FBRSL1: variants seen among roughly 807,000 people sequenced by gnomAD.
FBRSL1 encodes fibrosin like 1.
In FBRSL1, 51 loss-of-function variants were observed where a neutral mutation model predicts 89.6. The observed-to-expected ratio is 0.57, with a 90% CI of 0.45 to 0.72. The LOEUF (loss-of-function observed/expected upper bound fraction) is 0.72. FBRSL1 is among the 30% of genes least tolerant of loss of function. The pLI is 0.00. For synonymous variants in FBRSL1, 779 were observed against 681.1 expected (o/e 1.14, Z -2.24); for missense variants, 1,618 against 1,451.8 (o/e 1.11, Z -1.86).
In FBRSL1 at chr12:132,583,482, G is replaced by A; in HGVS notation, c.2713G>A (p.Ala905Thr). ...GCGCCTGCGCGGGGAGCTGGAGCGC[G>A]CGCGGGCCCCGCACCTGCCGCCCGC... is the stretch of plus-strand genomic sequence containing the variant. ...PERLRGELER[A>T]RAPHLPPAAP... Residue 905 changes from alanine to threonine, a missense_variant, in exon 19 of 19, where the codon GCG becomes ACG. Ala to Thr is a moderately conservative substitution (Grantham distance 58, BLOSUM62 0). Coordinates refer to ENST00000680143, the MANE Select transcript of FBRSL1 (RefSeq NM_001367871.1). The A allele has an allele frequency of 9.5e-7, 1 of 1,051,290 alleles. No individual in the cohort carries two copies. 65.1% of individuals were successfully genotyped at this position (1,051,290 alleles called of 1,614,324 possible). A position where few individuals can be genotyped will look rare whatever the true frequency, so the allele number is the denominator to read the frequency against.
chr12:132,582,642 C>T (rs1412598079), intron 18 of FBRSL1, among the ~76,000 whole-genome samples: 1 of 152,040 alleles, frequency 6.6e-6, no homozygotes, highest in Non-Finnish European at 1.5e-5. Context: ...CAGGTGGCCG[C>T]GCCCTGACCC....
intron 1 of FBRSL1, 49 bp downstream of exon 1, chr12:132,490,910 C>G (rs1196730122): frequency 5.7e-6 from 7 of 1,227,792 alleles, no homozygotes; most frequent in Non-Finnish European, 3.1e-6. Context: ...GAACGGGGCC[C>G]GGAGTTGACG....
chr12:132,536,302 GGT>G (rs1334362971), intron 4 of FBRSL1, among the ~76,000 whole-genome samples: 2 of 146,250 alleles, frequency 1.4e-5, no homozygotes, highest in Admixed American at 6.8e-5. Flanking sequence ...TACATGACGG[GGT>G]GTGTGAGTGC....
intron 2 of FBRSL1, among the ~76,000 whole-genome samples, chr12:132,519,662 G>A (rs1406134296): frequency 6.6e-6 from 1 of 152,228 alleles, no homozygotes; most frequent in African/African-American, 2.4e-5. Context: ...TGTAATCCCA[G>A]CACTTTGGGA....
intron 5 of FBRSL1, chr12:132,551,793 C>T: frequency 2.9e-6 from 1 of 350,814 alleles, no homozygotes; most frequent in South Asian, 2.1e-5. Context: ...CCAGATGGCC[C>T]CTTCGCAAGT....
intron 5 of FBRSL1, chr12:132,552,951 C>G (rs2038316859): frequency 6.5e-6 from 1 of 154,180 alleles, no homozygotes; most frequent in East Asian, 1.9e-4. Context: ...GCGGGCCGCG[C>G]CTTTGTTCTG....
chr12:132,508,475 T>C, intron 2 of FBRSL1, 125 bp downstream of exon 2: 1 of 1,183,204 alleles, frequency 8.5e-7, no homozygotes, highest in Non-Finnish European at 1.1e-6. Context: ...CGCCCATCGT[T>C]GTCAGGCTTG....
intron 3 of FBRSL1, among the ~76,000 whole-genome samples, chr12:132,527,308 G>A (rs1013202386): frequency 1.3e-5 from 2 of 152,230 alleles, no homozygotes; most frequent in Admixed American, 6.5e-5. Context: ...CCTCTGAGGA[G>A]CATTTCTGGT....
chr12:132,531,222 A>G (rs1272615490), intron 4 of FBRSL1, among the ~76,000 whole-genome samples: 1 of 139,274 alleles, frequency 7.2e-6, no homozygotes, highest in Non-Finnish European at 1.5e-5. Flanking sequence ...CAGGAGCAGG[A>G]CAGGACCCAG....
intron 8 of FBRSL1, 149 bp from the exon 9 acceptor site, chr12:132,570,919 C>T (rs1185762192): frequency 2.1e-5 from 8 of 382,772 alleles, no homozygotes; most frequent in South Asian, 2.1e-4. Context: ...CTTCCTCCCT[C>T]GGCCCCCAGG....
chr12:132,508,011 A>C, intron 1 of FBRSL1, 142 bp from the exon 2 acceptor site: 1 of 800,558 alleles, frequency 1.2e-6, no homozygotes, highest in Non-Finnish European at 1.9e-6. Flanking sequence ...CCCCCGTCCC[A>C]CAGCAGCCAT....
intron 2 of FBRSL1, among the ~76,000 whole-genome samples, chr12:132,517,398 CT>C (rs1208346637): frequency 6.6e-6 from 1 of 152,234 alleles, no homozygotes; most frequent in African/African-American, 2.4e-5. Flanking sequence ...GCCACCTCTG[CT>C]TTCCCAGCCT....
chr12:132,583,211 C>A lies in FBRSL1; in HGVS notation c.2442C>A (p.Val814=). Residue 814 remains valine, a synonymous_variant, in exon 19 of 19, where the codon GTC becomes GTA. Coordinates refer to ENST00000680143, the MANE Select transcript of FBRSL1 (RefSeq NM_001367871.1). ...HSKAAPGDVK[V]KEERGEDEAS... ...AGGCGGCCCCTGGAGACGTGAAGGTCAAGGAGGAGCGCGGGGAGGACGAGG... is the reference window on the plus strand; with the variant it reads ...AGGCGGCCCCTGGAGACGTGAAGGTAAAGGAGGAGCGCGGGGAGGACGAGG... 1 of 1,434,324 alleles carries A rather than the reference C, an allele frequency of 7.0e-7. No homozygotes were observed. Among genetic ancestry groups the A allele is most frequent in the Non-Finnish European group, 9.1e-7 (1 of 1,095,856 alleles). The allele number at this position is 1,434,324 out of a possible 1,614,324, so 88.8% of individuals were successfully genotyped here.
chr12:132,527,846 G>T, intron 3 of FBRSL1, 107 bp from the exon 4 acceptor site: 1 of 1,062,146 alleles, frequency 9.4e-7, no homozygotes, highest in Non-Finnish European at 1.4e-6. Flanking sequence ...CTGCAGGGCT[G>T]CGGGGCAGGG....
At chr12:132,547,966 G>A (rs756490112) in intron 4 of FBRSL1, 37 bp from the exon 5 acceptor site, 1 of 1,549,196 alleles carries the variant, frequency 6.5e-7, no homozygotes, top group Non-Finnish European at 8.7e-7. Flanking sequence ...ACTGGTTGGT[G>A]GGGCCCCGAC....
rs1037606239 is a variant in FBRSL1 at position 132,576,884 on chromosome 12, G to T, written c.1787G>T (p.Gly596Val). 6.5e-7 allele frequency: 1 copy of T among 1,550,100 alleles called. No homozygotes were observed. Among genetic ancestry groups the T allele is most frequent in the South Asian group, 1.2e-5 (1 of 83,876 alleles). Reference protein sequence around the residue: ...GRPPAPGVFAGFHYPQDLARP... With the variant: ...GRPPAPGVFAVFHYPQDLARP... Reference sequence around the variant, plus strand: ...CCCCCTGCCCCGGGCGTGTTTGCAGGCTTCCACTACCCACAGGACCTGGCC... The same window carrying T: ...CCCCCTGCCCCGGGCGTGTTTGCAGTCTTCCACTACCCACAGGACCTGGCC... Residue 596 changes from glycine (G) to valine (V), a missense_variant, in exon 15 of 19, where the codon GGC (glycine) becomes GTC (valine). Gly to Val is a moderately radical substitution (Grantham distance 109). Transcript: ENST00000680143.
chr12:132,549,044 C>T (rs546079085), intron 5 of FBRSL1, among the ~76,000 whole-genome samples: 204 of 152,138 alleles, frequency 1.3e-3, no homozygotes, highest in African/African-American at 4.6e-3. Flanking sequence ...GCTGAGGGCC[C>T]GGTGGGGGTC....
At chr12:132,517,298 T>G (rs2034929839) in intron 2 of FBRSL1, among the ~76,000 whole-genome samples, 1 of 152,158 alleles carries the variant, frequency 6.6e-6, no homozygotes. Context: ...AGGGTGCTGT[T>G]AGGTGGGAGT....
At chr12:132,543,941 C>T (rs79378777) in intron 4 of FBRSL1, among the ~76,000 whole-genome samples, 6 of 152,164 alleles carry the variant, frequency 3.9e-5, no homozygotes, top group Middle Eastern at 3.2e-3. Flanking sequence ...CCCTGACTCA[C>T]GCCTGGCCTC....
Sources: gnomAD v4.1 joint callset for allele counts (sites outside exome capture counted in the v4.1 genomes callset) on GRCh38, gnomAD v4.1.1 for gene constraint, MANE v1.5 for transcripts, NCBI Gene and HGNC (gene_info 2026-07-23, HGNC 2026-07-21) for gene names.